The following ARHGAP10 variants were observed in gnomAD, a reference collection of about 807,000 sequenced individuals.
ARHGAP10 encodes rho GTPase-activating protein 10.
In ARHGAP10, 87 loss-of-function variants were observed where a neutral mutation model predicts 108.6. The observed-to-expected ratio is 0.80, with a 90% CI of 0.67 to 0.96. The LOEUF is 0.96. Ranked by LOEUF, ARHGAP10 falls within the 40% of genes least tolerant of loss-of-function variation. ARHGAP10 has a pLI of 0.00. For synonymous variants in ARHGAP10, 347 were observed against 341.1 expected, an observed-to-expected ratio of 1.02 and a Z score of -0.19; for missense variants, 939 against 954.5, an observed-to-expected ratio of 0.98 and a Z score of 0.21.
intron 1 of ARHGAP10, among the ~76,000 whole-genome samples, chr4:147,788,865 G>A (rs904280151): frequency 1.3e-5 from 2 of 152,304 alleles, no homozygotes; most frequent in South Asian, 2.1e-4. Flanking sequence ...GCTACAAGCT[G>A]TACAGCAACA....
intron 1 of ARHGAP10, among the ~76,000 whole-genome samples, chr4:147,819,516 T>TG (rs1732394223): frequency 6.6e-6 from 1 of 151,696 alleles, no homozygotes; most frequent in Non-Finnish European, 1.5e-5. Flanking sequence ...ATATCTTTTT[T>TG]TATTTTTATT....
chr4:148,011,706 A>G (rs547023658), intron 18 of ARHGAP10, among the ~76,000 whole-genome samples: 3 of 152,260 alleles, frequency 2.0e-5, no homozygotes, highest in South Asian at 2.1e-4. Context: ...ATTTGTGGCC[A>G]TGTTTTAAAA....
intron 19 of ARHGAP10, among the ~76,000 whole-genome samples, chr4:148,043,756 A>ATATATATGTGTATATATATG (rs1728754265): frequency 7.0e-6 from 1 of 142,636 alleles, no homozygotes. Context: ...GTATATATGT[A>ATATATATGTGTATATATATG]TATATATGTG....
rs541894897 is a variant in ARHGAP10 at position 148,008,582 on chromosome 4, A to G, written c.1717-14681A>G. ...CACAACAACGACTTAGCAGTCCCCA[A>G]ATGCTAATAGTGCTGAGATTGAGAA... On this transcript the variant is annotated intron_variant, in intron 18 of 22. Coordinates refer to ENST00000336498, the MANE Select transcript of ARHGAP10 (RefSeq NM_024605.4). 2.6e-5 allele frequency among the ~76,000 whole-genome samples: 4 copies of G among 151,958 alleles called. No individual in the cohort carries two copies. In the South Asian group the frequency reaches 8.3e-4, roughly 32 times the overall value.
At chr4:147,967,349 G>A (rs1739243108) in intron 18 of ARHGAP10, among the ~76,000 whole-genome samples, 2 of 152,354 alleles carry the variant, frequency 1.3e-5, no homozygotes, top group East Asian at 1.9e-4. Flanking sequence ...CGCCTGCCTT[G>A]CAAAGAGTCT....
At chr4:147,798,724 A>ACTCTCTCTCTCT (rs1178256407) in intron 1 of ARHGAP10, among the ~76,000 whole-genome samples, 1 of 86,022 alleles carries the variant, frequency 1.2e-5, no homozygotes, top group African/African-American at 6.9e-5. Context: ...AGTTTGAGAC[A>ACTCTCTCTCTCT]CTCTCTCTCT....
chr4:148,021,654 T>G (rs751947511), intron 18 of ARHGAP10, among the ~76,000 whole-genome samples: 2 of 152,222 alleles, frequency 1.3e-5, no homozygotes, highest in East Asian at 3.9e-4. Flanking sequence ...TTAACTGCTC[T>G]CCTGTTCCCA....
intron 12 of ARHGAP10, 78 bp from the exon 13 acceptor site, chr4:147,912,996 A>G: frequency 4.4e-6 from 6 of 1,372,640 alleles, no homozygotes; most frequent in East Asian, 2.5e-5. Flanking sequence ...GATTTAAATA[A>G]TTTTTCCTAT....
intron 18 of ARHGAP10, among the ~76,000 whole-genome samples, chr4:147,968,843 G>A (rs972064797): frequency 2.0e-5 from 3 of 152,090 alleles, no homozygotes; most frequent in East Asian, 3.9e-4. Context: ...AGTAGGTGCC[G>A]GATGTGCAGA....
chr4:147,843,101 G>A (rs893024), intron 3 of ARHGAP10, among the ~76,000 whole-genome samples: 38,342 of 152,006 alleles, frequency 0.25, 7,849 homozygotes, highest in African/African-American at 0.57. Flanking sequence ...CCACAAACCC[G>A]TTTGTACTGG....
At chr4:147,839,035 C>G (rs939189077) in intron 3 of ARHGAP10, among the ~76,000 whole-genome samples, 1 of 151,836 alleles carries the variant, frequency 6.6e-6, no homozygotes, top group Non-Finnish European at 1.5e-5. Flanking sequence ...GAGGCAAGTT[C>G]TTTTTTTTCC....
intron 18 of ARHGAP10, among the ~76,000 whole-genome samples, chr4:147,976,703 G>A (rs185706382): frequency 1.3e-5 from 2 of 152,016 alleles, no homozygotes; most frequent in Non-Finnish European, 2.9e-5. Context: ...TTTTTCTTTA[G>A]CTGTGGCATT....
At chr4:147,764,982 A>T (rs927973287) in intron 1 of ARHGAP10, among the ~76,000 whole-genome samples, 1 of 152,212 alleles carries the variant, frequency 6.6e-6, no homozygotes, top group African/African-American at 2.4e-5. Flanking sequence ...CTGCTTTTCC[A>T]CAAAAATGCC....
chr4:147,851,251 A>C (rs896027179), intron 4 of ARHGAP10, among the ~76,000 whole-genome samples: 4 of 101,052 alleles, frequency 4.0e-5, no homozygotes, highest in Non-Finnish European at 9.9e-5. Context: ...GACTATGACT[A>C]ATAATTTTTT....
intron 18 of ARHGAP10, among the ~76,000 whole-genome samples, chr4:147,991,974 C>T (rs1740294859): frequency 6.6e-6 from 1 of 152,180 alleles, no homozygotes; most frequent in South Asian, 2.1e-4. Context: ...TTGTCAGCCA[C>T]ATTCAAAAAG....
intron 1 of ARHGAP10, among the ~76,000 whole-genome samples, chr4:147,769,525 G>A (rs558522329): frequency 6.6e-6 from 1 of 152,258 alleles, no homozygotes; most frequent in East Asian, 1.9e-4. Context: ...CTTGTTAACT[G>A]ACATTGTTTC....
chr4:147,948,757 C>G (rs1280520663), intron 15 of ARHGAP10, among the ~76,000 whole-genome samples: 1 of 151,758 alleles, frequency 6.6e-6, no homozygotes, highest in African/African-American at 2.4e-5. Flanking sequence ...GAGATCAAGA[C>G]CATCCTTGCT....
At chr4:147,917,371 A>G (rs1737030543) in intron 13 of ARHGAP10, 1 of 152,136 alleles carries the variant, frequency 6.6e-6, no homozygotes, top group Non-Finnish European at 1.5e-5. Context: ...GTACATCTCT[A>G]AATTGTTCTG....
chr4:148,051,246 G>T (rs747857357), intron 20 of ARHGAP10, among the ~76,000 whole-genome samples: 2 of 152,184 alleles, frequency 1.3e-5, no homozygotes, highest in Non-Finnish European at 2.9e-5. Context: ...CCTCAGTAAG[G>T]CGATGGGTGA....
Sources: allele counts gnomAD v4.1 joint callset (sites outside exome capture counted in the v4.1 genomes callset), GRCh38; gene constraint gnomAD v4.1.1; transcripts MANE v1.5; gene names NCBI Gene and HGNC (gene_info 2026-07-23, HGNC 2026-07-21).